AMHR2: variants seen among roughly 807,000 people sequenced by gnomAD.
The protein encoded by AMHR2 is anti-Muellerian hormone type-2 receptor.
Under a neutral mutation model 61.4 loss-of-function variants are expected in AMHR2, and 36 were observed. The observed-to-expected ratio is 0.59, with a 90% CI of 0.45 to 0.77. The LOEUF is 0.77. AMHR2 is among the 30% of genes least tolerant of loss of function. The pLI, the probability that AMHR2 is intolerant of heterozygous loss-of-function variation, is 0.00. For missense variants in AMHR2, 638 were observed against 714.6 expected, an observed-to-expected ratio of 0.89 and a Z score of 1.22; for synonymous variants, 258 against 279.4, an observed-to-expected ratio of 0.92 and a Z score of 0.76.
At chr12:53,430,397 C>T (rs1940012782) in intron 10 of AMHR2, 115 bp downstream of exon 10, 3 of 1,536,428 alleles carry the variant, frequency 2.0e-6, no homozygotes, top group Non-Finnish European at 1.8e-6. Flanking sequence ...TCTCCCATCA[C>T]TCCTTGGTTC....
intron 6 of AMHR2, among the ~76,000 whole-genome samples, chr12:53,428,002 G>A (rs1483684174): frequency 2.6e-5 from 4 of 152,142 alleles, no homozygotes; most frequent in Non-Finnish European, 4.4e-5. Flanking sequence ...AACTTTTTCA[G>A]CACCTACAGC....
At chr12:53,430,552 C>T in intron 10 of AMHR2, 1 of 552,902 alleles carries the variant, frequency 1.8e-6, no homozygotes, top group Non-Finnish European at 3.2e-6. Context: ...TCTCTGCCAT[C>T]AGTTAGCCCT....
intron 6 of AMHR2, among the ~76,000 whole-genome samples, 162 bp from the exon 7 acceptor site, chr12:53,428,734 G>T (rs746672301): frequency 3.9e-5 from 6 of 152,138 alleles, no homozygotes; most frequent in Non-Finnish European, 1.5e-5. Context: ...GTCAATTGAT[G>T]CACAGTCTTA....
At position 53,429,443 on chromosome 12, in the gene AMHR2, TC is replaced by T; in HGVS notation, c.968-5del. On this transcript the variant is annotated splice_polypyrimidine_tract_variant and intron_variant, in intron 7 of 10. Transcript: ENST00000257863. ...AATCCATGTTCCTTCAACCTTGGAT[TC>T]CCCCACAGGCCAATATAAACCAGGT... is the stretch of plus-strand genomic sequence containing the variant. 1.2e-6 allele frequency: 2 copies of T among 1,608,862 alleles called. No individual in the cohort carries two copies. Among genetic ancestry groups the T allele is most frequent in the Non-Finnish European group, 8.5e-7 (1 of 1,179,356 alleles).
At chr12:53,429,339 C>T (rs1939902052) in intron 7 of AMHR2, 114 bp from the exon 8 acceptor site, 2 of 1,181,984 alleles carry the variant, frequency 1.7e-6, no homozygotes, top group Non-Finnish European at 1.2e-6. Flanking sequence ...TTGCAGTGAG[C>T]CGAGATCGCG....
At chr12:53,427,551 C>T (rs1458512393) in intron 6 of AMHR2, among the ~76,000 whole-genome samples, 3 of 151,938 alleles carry the variant, frequency 2.0e-5, no homozygotes, top group African/African-American at 4.8e-5. Flanking sequence ...TAAGGCGTGC[C>T]GCCACTACTC....
rs917272835 is a variant in AMHR2, at chr12:53,424,150, C to T, written c.50-138C>T. On this transcript the variant is annotated intron_variant, in intron 1 of 10. Transcript: ENST00000257863. ...GCAGGGCTCAGGTTCCAGGCCTCTGCTGACCCTGCTTCCTCCTGTGGCTTT... is the reference window on the plus strand; with the variant it reads ...GCAGGGCTCAGGTTCCAGGCCTCTGTTGACCCTGCTTCCTCCTGTGGCTTT... 20 of 1,353,118 alleles carry T rather than the reference C, an allele frequency of 1.5e-5. No homozygotes were observed. In the African/African-American group the frequency reaches 1.9e-4, roughly 13 times the overall value. The allele number at this position is 1,353,118 out of a possible 1,614,324, so 83.8% of individuals were successfully genotyped here.
At chr12:53,424,040 C>A (rs1330300703) in intron 1 of AMHR2, 57 bp downstream of exon 1, 2 of 1,595,692 alleles carry the variant, frequency 1.3e-6, no homozygotes, top group Non-Finnish European at 8.6e-7. Flanking sequence ...GGGAAAGGGG[C>A]GCTTGAAGCA....
rs1939278452 is a variant in AMHR2 at position 53,423,878 on chromosome 12, G to C, written c.-57G>C. ...CTGTATCTGAAGAAAGATTTGGCCA[G>C]GGGCAGCTGTGCTGGCTTATGCTCT... On this transcript the variant is annotated 5_prime_UTR_variant, in exon 1 of 11. Coordinates refer to ENST00000257863, the MANE Select transcript of AMHR2 (RefSeq NM_020547.3). 1.9e-6 allele frequency: 3 copies of C among 1,598,080 alleles called. No homozygotes were observed. The highest frequency in any genetic ancestry group is 1.3e-5 in the African/African-American group (1 of 74,582).
chr12:53,429,682 A>G, intron 8 of AMHR2, 57 bp downstream of exon 8: 2 of 1,605,274 alleles, frequency 1.2e-6, no homozygotes, highest in Non-Finnish European at 1.7e-6. Flanking sequence ...GCTGATGGCA[A>G]TGCAGCCATT....
chr12:53,430,013 T>TC (rs762958910), intron 9 of AMHR2, 35 bp downstream of exon 9: 132 of 1,613,684 alleles, frequency 8.2e-5, no homozygotes, highest in Middle Eastern at 3.3e-4. Flanking sequence ...TCTCCTGGGC[T>TC]CCCCCCCGCC....
At chr12:53,426,857 A>G (rs1446292067) in intron 6 of AMHR2, among the ~76,000 whole-genome samples, 1 of 150,688 alleles carries the variant, frequency 6.6e-6, no homozygotes, top group Admixed American at 6.7e-5. Flanking sequence ...TAATTTTTGC[A>G]TTTTTAGTAG....
rs1940103700 is a variant in AMHR2, at chr12:53,431,601, C to T, written c.*128C>T. The T allele has an allele frequency of 1.6e-6, 2 of 1,213,836 alleles. No homozygotes were observed. Among genetic ancestry groups the T allele is most frequent in the Non-Finnish European group, 1.2e-6 (1 of 841,274 alleles). 75.2% of individuals were successfully genotyped at this position (1,213,836 alleles called of 1,614,324 possible). On this transcript the variant is annotated 3_prime_UTR_variant, in exon 11 of 11. Transcript: ENST00000257863. ...TGGATTCTTCTGCGGGCATCCAGTC[C>T]ACATCAGTTCTGACCAGTGACTTGG...
At position 53,424,432 on chromosome 12, in the gene AMHR2, G is replaced by A. The variant is rs775164124; in HGVS notation, c.194G>A (p.Trp65Ter). The change falls in exon 2 of 11, where the codon TGG (tryptophan) becomes TAG (stop). Residue 65 changes from tryptophan to a stop codon, truncating the protein, a stop_gained. Coordinates refer to ENST00000257863, the MANE Select transcript of AMHR2 (RefSeq NM_020547.3). LOFTEE classifies it high-confidence loss of function. The stretch of plus-strand genomic sequence containing the variant: ...TACAGCCGCTGCTGCTTTGGGATCT[G>A]GAACCTGACCCAAGACCGGGCACAG... The part of the protein sequence containing the change: ...CLYSRCCFGI[W>*]NLTQDRAQVE... The A allele has an allele frequency of 6.2e-7, 1 of 1,613,630 alleles. No individual in the cohort carries two copies. Among genetic ancestry groups the A allele is most frequent in the Non-Finnish European group, 8.5e-7 (1 of 1,179,864 alleles).
chr12:53,425,891 C>A lies in AMHR2; in HGVS notation c.824C>A (p.Pro275His), dbSNP rs773878247. Residue 275 changes from proline (P) to histidine (H), a missense_variant, in exon 6 of 11, where the codon CCC (proline) becomes CAC (histidine). Physicochemically the swap from Pro to His is moderately conservative, Grantham distance 77. Transcript: ENST00000257863. ...GGTCCTGGCCGCCTGCTCTCTGGGC[C>A]CCTGCTGGTACTGGAACTGCATCCC... is the stretch of plus-strand genomic sequence containing the variant. ...RGGPGRLLSG[P>H]LLVLELHPKG... The A allele has an allele frequency of 6.2e-7, 1 of 1,613,914 alleles. No individual in the cohort carries two copies. Among genetic ancestry groups the A allele is most frequent in the Non-Finnish European group, 8.5e-7 (1 of 1,179,990 alleles).
chr12:53,431,589 G>T lies in AMHR2; in HGVS notation c.*116G>T. 1 of 1,335,674 alleles carries T rather than the reference G, an allele frequency of 7.5e-7. No individual in the cohort carries two copies. The highest frequency in any genetic ancestry group is 2.3e-5 in the East Asian group (1 of 42,638). The allele number at this position is 1,335,674 out of a possible 1,614,324, so 82.7% of individuals were successfully genotyped here. ...CTGCCGAATCCTTGGATTCTTCTGC[G>T]GGCATCCAGTCCACATCAGTTCTGA... On this transcript the variant is annotated 3_prime_UTR_variant, in exon 11 of 11. Coordinates refer to ENST00000257863, the MANE Select transcript of AMHR2 (RefSeq NM_020547.3).
In AMHR2 at chr12:53,425,684, A is replaced by C; in HGVS notation, c.622-5A>C. The C allele has an allele frequency of 6.2e-7, 1 of 1,614,072 alleles. No homozygotes were observed. The highest frequency in any genetic ancestry group is 8.5e-7 in the Non-Finnish European group (1 of 1,179,992). The stretch of plus-strand genomic sequence containing the variant: ...GGCCCACACTCAGCACAGTGTCCCC[A>C]GCAGGTAATCCGGGAAGGAGGTCAT... On this transcript the variant is annotated splice_region_variant and splice_polypyrimidine_tract_variant and intron_variant, in intron 5 of 10. Coordinates refer to ENST00000257863, the MANE Select transcript of AMHR2 (RefSeq NM_020547.3).
At chr12:53,426,982 CAAA>C (rs929522833) in intron 6 of AMHR2, among the ~76,000 whole-genome samples, 2 of 71,818 alleles carry the variant, frequency 2.8e-5, no homozygotes, top group African/African-American at 1.1e-4. Flanking sequence ...CGTGCCCAGC[CAAA>C]AAAAAAAAAA....
Position 53,429,503 on chromosome 12 carries a change from C to T in AMHR2, c.1018C>T (p.Leu340Phe), listed in dbSNP as rs749360475. 1.6e-5 allele frequency: 26 copies of T among 1,613,776 alleles called. No homozygotes were observed. The highest frequency in any genetic ancestry group is 1.6e-4 in the Middle Eastern group (1 of 6,082). Residue 340 changes from leucine (L) to phenylalanine (F), a missense_variant, in exon 8 of 11, where the codon CTC (leucine) becomes TTC (phenylalanine). Transcript: ENST00000257863. The stretch of plus-strand genomic sequence containing the variant: ...CCGAGATCTGAGCAGCCAGAATGTG[C>T]TCATTCGGGAAGATGGATCGTGTGC... ...AHRDLSSQNV[L>F]IREDGSCAIG...
Sources: allele counts gnomAD v4.1 joint callset (sites outside exome capture counted in the v4.1 genomes callset), GRCh38; gene constraint gnomAD v4.1.1; transcripts MANE v1.5; gene names NCBI Gene and HGNC (gene_info 2026-07-23, HGNC 2026-07-21).